The following RGS7 variants were observed in gnomAD, a reference collection of about 807,000 sequenced individuals.
RGS7 encodes regulator of G-protein signaling 7.
Under a neutral mutation model 81.1 loss-of-function variants are expected in RGS7, and 27 were observed. That is an observed-to-expected ratio of 0.33 (90% CI 0.25 to 0.46). RGS7 has a LOEUF of 0.46. Ranked by LOEUF, RGS7 falls within the 20% of genes least tolerant of loss-of-function variation. The pLI, the probability that RGS7 is intolerant of heterozygous loss-of-function variation, is 1.00. For missense variants in RGS7, 396 were observed against 607.4 expected (o/e 0.65, Z 3.66); for synonymous variants, 208 against 207.7 (o/e 1.00, Z -0.01).
intron 3 of RGS7, among the ~76,000 whole-genome samples, chr1:240,987,199 T>C (rs968700993): frequency 2.0e-5 from 3 of 151,680 alleles, no homozygotes; most frequent in Non-Finnish European, 2.9e-5. Flanking sequence ...AAATATAAGA[T>C]ATGAGGACTC....
intron 9 of RGS7, among the ~76,000 whole-genome samples, chr1:240,831,338 G>C (rs1693803618): frequency 6.6e-6 from 1 of 152,150 alleles, no homozygotes; most frequent in South Asian, 2.1e-4. Flanking sequence ...TCATGACCCA[G>C]TGCTGATAAC....
At chr1:240,862,164 G>A (rs142239524) in intron 9 of RGS7, among the ~76,000 whole-genome samples, 216 of 151,974 alleles carry the variant, frequency 1.4e-3, no homozygotes, top group African/African-American at 5.0e-3. Context: ...TTTTTCTGGA[G>A]TAAATGTTGA....
rs5782184 is a variant in RGS7 at position 241,315,107 on chromosome 1, C to CTTTTTTTTTTT, written c.78+40581_78+40591dup. ...GAAGCTTTTTTTTTTTCTTCTTCTT[C>CTTTTTTTTTTT]TTTTTTTTTTTTTTTTTTTTTTTTT... On this transcript the variant is annotated intron_variant, in intron 2 of 18. Transcript: ENST00000440928. Among the ~76,000 whole-genome samples, 291 of 57,432 alleles carry CTTTTTTTTTTT rather than the reference C, an allele frequency of 5.1e-3. 25 individuals carry two copies. The highest frequency in any genetic ancestry group is 5.8e-3 in the African/African-American group (77 of 13,282). The allele number at this position is 57,432 out of a possible 152,430, so 37.7% of individuals were successfully genotyped here. A position where few individuals can be genotyped will look rare whatever the true frequency, so the allele number is the denominator to read the frequency against.
At chr1:241,179,495 T>C (rs2071426094) in intron 2 of RGS7, among the ~76,000 whole-genome samples, 1 of 152,216 alleles carries the variant, frequency 6.6e-6, no homozygotes, top group Admixed American at 6.5e-5. Flanking sequence ...AGCTGGCGAC[T>C]AAGTGAAGTC....
intron 2 of RGS7, among the ~76,000 whole-genome samples, chr1:241,268,613 CGA>C (rs1368866898): frequency 6.6e-6 from 1 of 151,936 alleles, no homozygotes; most frequent in Non-Finnish European, 1.5e-5. Flanking sequence ...CTAGGAGATA[CGA>C]GAGGGAAAGT....
chr1:240,831,802 A>AT (rs1232706606), intron 9 of RGS7, among the ~76,000 whole-genome samples: 2 of 151,948 alleles, frequency 1.3e-5, no homozygotes, highest in East Asian at 3.9e-4. Context: ...CACCCAGCTA[A>AT]TTTTTTGTAT....
At chr1:241,044,226 C>T (rs1387896652) in intron 3 of RGS7, among the ~76,000 whole-genome samples, 1 of 150,404 alleles carries the variant, frequency 6.6e-6, no homozygotes, top group Admixed American at 6.6e-5. Context: ...GATTCTTGTG[C>T]CTCAGCCTCC....
chr1:241,004,158 T>C lies in RGS7; in HGVS notation c.176-21029A>G, dbSNP rs192350157. On this transcript the variant is annotated intron_variant, in intron 3 of 18. Coordinates refer to ENST00000440928, the MANE Select transcript of RGS7 (RefSeq NM_001364886.1). ...TGTATAGAGGAGAAAGTTAAATCAT[T>C]CTGACTACTGCCTTTAATCCAAGAC... Among the ~76,000 whole-genome samples the C allele has an allele frequency of 4.0e-3, 614 of 152,300 alleles. 5 individuals are homozygous for C. Among genetic ancestry groups the C allele is most frequent in the African/African-American group, 0.013 (560 of 41,562 alleles).
At chr1:241,245,610 C>G (rs1008047417) in intron 2 of RGS7, among the ~76,000 whole-genome samples, 1 of 151,630 alleles carries the variant, frequency 6.6e-6, no homozygotes, top group Non-Finnish European at 1.5e-5. Flanking sequence ...AGTTCAAGAC[C>G]AGCCTGACCA....
chr1:240,792,614 TTAA>T (rs1686197222), intron 18 of RGS7, among the ~76,000 whole-genome samples: 1 of 152,186 alleles, frequency 6.6e-6, no homozygotes, highest in African/African-American at 2.4e-5. Context: ...TTGCTAGGCC[TTAA>T]CTCTTCCTCT....
intron 3 of RGS7, among the ~76,000 whole-genome samples, chr1:240,999,561 TTTAG>T (rs1687816336): frequency 6.6e-6 from 1 of 152,186 alleles, no homozygotes; most frequent in Non-Finnish European, 1.5e-5. Flanking sequence ...ATTTTTTCCA[TTTAG>T]TTAGAGGTCT....
chr1:241,254,939 T>C (rs1191064951), intron 2 of RGS7, among the ~76,000 whole-genome samples: 13 of 152,154 alleles, frequency 8.5e-5, no homozygotes, highest in Non-Finnish European at 1.5e-5. Context: ...TCACAGAATT[T>C]CAGAACTGGG....
In RGS7 at chr1:241,065,457, C is replaced by A. The variant is rs1450649602; in HGVS notation, c.175+33209G>T. Among the ~76,000 whole-genome samples the A allele has an allele frequency of 4.6e-5, 7 of 151,996 alleles. No individual in the cohort carries two copies. In the South Asian group the frequency reaches 1.5e-3, roughly 32 times the overall value. ...TTATTTTTATGTGTTTTCTTAAATG[C>A]TCTTCTTAAGACATTGGCCCTTATG... On this transcript the variant is annotated intron_variant, in intron 3 of 18. Transcript: ENST00000440928.
intron 2 of RGS7, among the ~76,000 whole-genome samples, chr1:241,161,754 G>A (rs2069700810): frequency 7.3e-6 from 1 of 137,698 alleles, no homozygotes; most frequent in African/African-American, 2.7e-5. Context: ...GTCTCACTCT[G>A]TTGCTCAGGC....
In RGS7 at chr1:240,827,105, G is replaced by T. The variant is rs1358792207; in HGVS notation, c.677C>A (p.Thr226Lys). The change falls in exon 10 of 19, where the codon ACA (threonine) becomes AAA (lysine). Residue 226 changes from threonine (T) to lysine (K), a missense_variant. Coordinates refer to ENST00000440928, the MANE Select transcript of RGS7 (RefSeq NM_001364886.1). ...AACAAATGACAGTTTTACCTTCCGT[G>T]TTTTGTGGGGGTTTCTCATTCTGGA... ...KSSRMRNPHK[T>K]RKSVYGLQND... is the part of the protein sequence containing the mutation. 6.2e-7 allele frequency: 1 copy of T among 1,612,446 alleles called. No individual in the cohort carries two copies. The highest frequency in any genetic ancestry group is 8.5e-7 in the Non-Finnish European group (1 of 1,178,456).
intron 6 of RGS7, among the ~76,000 whole-genome samples, chr1:240,882,017 C>T (rs1206177113): frequency 6.6e-6 from 1 of 151,984 alleles, no homozygotes; most frequent in Non-Finnish European, 1.5e-5. Flanking sequence ...CTGGTTCAAG[C>T]TATTCTCCAG....
At chr1:240,822,982 C>A in intron 10 of RGS7, 1 of 528,694 alleles carries the variant, frequency 1.9e-6, no homozygotes, top group Non-Finnish European at 3.5e-6. Flanking sequence ...AGGGGCTATT[C>A]ATCATTTTGT....
At chr1:240,996,195 G>A (rs1002916514) in intron 3 of RGS7, among the ~76,000 whole-genome samples, 5 of 151,972 alleles carry the variant, frequency 3.3e-5, no homozygotes, top group African/African-American at 1.2e-4. Context: ...ATTATGATGT[G>A]TTTAATGGCC....
chr1:241,023,429 A>G (rs2059636417), intron 3 of RGS7, among the ~76,000 whole-genome samples: 1 of 152,204 alleles, frequency 6.6e-6, no homozygotes, highest in Non-Finnish European at 1.5e-5. Context: ...GTCATCATCA[A>G]TGAAGACAGT....
Sources: allele counts gnomAD v4.1 joint callset (sites outside exome capture counted in the v4.1 genomes callset), GRCh38; gene constraint gnomAD v4.1.1; transcripts MANE v1.5; gene names NCBI Gene and HGNC (gene_info 2026-07-23, HGNC 2026-07-21).